Variants in PIK3R3 observed in about 807,000 individuals in gnomAD.
PIK3R3 encodes the protein phosphoinositide-3-kinase regulatory subunit 3.
In PIK3R3, 64 loss-of-function variants were observed where a neutral mutation model predicts 62.9. The observed-to-expected ratio is 1.02, with a 90% confidence interval of 0.83 to 1.25. PIK3R3 has a LOEUF of 1.25. PIK3R3 is among the 50% of genes most tolerant of loss of function. PIK3R3 has a pLI of 0.00. For synonymous variants in PIK3R3, 165 were observed against 189.0 expected (o/e 0.87, Z 1.04); for missense variants, 614 against 561.6 (o/e 1.09, Z -0.94).
intron 1 of PIK3R3, among the ~76,000 whole-genome samples, chr1:46,128,603 G>T (rs1005759208): frequency 7.2e-5 from 11 of 152,170 alleles, no homozygotes; most frequent in African/African-American, 2.7e-4. Context: ...CTAAAGACTA[G>T]AAGGAAACAA....
At chr1:46,119,317 T>C (rs1654461472) in intron 1 of PIK3R3, among the ~76,000 whole-genome samples, 1 of 152,240 alleles carries the variant, frequency 6.6e-6, no homozygotes, top group Admixed American at 6.5e-5. Context: ...AGGTGTTTAC[T>C]ATGTTCTAGG....
At chr1:46,114,169 T>C (rs1251227929) in intron 1 of PIK3R3, among the ~76,000 whole-genome samples, 1 of 152,136 alleles carries the variant, frequency 6.6e-6, no homozygotes, top group Admixed American at 6.5e-5. Context: ...ATGCAAGTGC[T>C]CTCATTGACG....
At chr1:46,163,375 G>A in the PIK3R3 span, among the ~76,000 whole-genome samples, 1 of 152,216 alleles carries the variant, frequency 6.6e-6, no homozygotes, top group East Asian at 1.9e-4. Context: ...GGATGCCCCA[G>A]CTGACCAATG....
intron 1 of PIK3R3, among the ~76,000 whole-genome samples, chr1:46,122,263 T>C (rs1346187335): frequency 1.3e-5 from 2 of 152,152 alleles, no homozygotes; most frequent in African/African-American, 4.8e-5. Context: ...AAAAGTCAAG[T>C]CTTACACACA....
intron 5 of PIK3R3, among the ~76,000 whole-genome samples, chr1:46,062,927 T>C (rs1768816): frequency 0.46 from 69,307 of 151,646 alleles, 15,933 homozygotes; most frequent in East Asian, 0.61. Flanking sequence ...GTTGAGACTT[T>C]AGGGGGGCAC....
the PIK3R3 span, among the ~76,000 whole-genome samples, chr1:46,145,957 T>C: frequency 4.9e-4 from 74 of 152,160 alleles, no homozygotes; most frequent in Non-Finnish European, 1.6e-4. Context: ...GGAATACTTA[T>C]CTGGGTGGAG....
At chr1:46,107,199 A>G (rs1653297692) in intron 1 of PIK3R3, among the ~76,000 whole-genome samples, 1 of 152,088 alleles carries the variant, frequency 6.6e-6, no homozygotes, top group Non-Finnish European at 1.5e-5. Flanking sequence ...AAAATACAAA[A>G]ATTAGCCAGG....
At position 46,077,773 on chromosome 1, in the gene PIK3R3, C is replaced by T. The variant is rs1650205014; in HGVS notation, c.216-160G>A. Among the ~76,000 whole-genome samples the T allele has an allele frequency of 1.3e-5, 2 of 152,164 alleles. 1 individual carries two copies. Among genetic ancestry groups the T allele is most frequent in the African/African-American group, 4.8e-5 (2 of 41,412 alleles). On this transcript the variant is annotated intron_variant, in intron 2 of 9. Transcript: ENST00000262741. The stretch of plus-strand genomic sequence containing the variant: ...CATTTAGAGGTCATTTAGTTCTTCC[C>T]TGCATTAAATATGCTCTTTCTGTTT...
chr1:46,157,805 G>A, the PIK3R3 span, among the ~76,000 whole-genome samples: 1 of 152,106 alleles, frequency 6.6e-6, no homozygotes, highest in Non-Finnish European at 1.5e-5. Flanking sequence ...AAACAAGAAG[G>A]TGCCCAGGGC....
chr1:46,059,362 T>C (rs561573952), intron 6 of PIK3R3, among the ~76,000 whole-genome samples: 1 of 152,322 alleles, frequency 6.6e-6, no homozygotes, highest in African/African-American at 2.4e-5. Flanking sequence ...AATGTGACAA[T>C]ACATGTAAAG....
At chr1:46,147,565 C>T in the PIK3R3 span, among the ~76,000 whole-genome samples, 1 of 152,138 alleles carries the variant, frequency 6.6e-6, no homozygotes, top group African/African-American at 2.4e-5. Flanking sequence ...CTACAGGCGC[C>T]CACCACCACG....
chr1:46,174,593 C>T, the PIK3R3 span, among the ~76,000 whole-genome samples: 7 of 152,134 alleles, frequency 4.6e-5, no homozygotes, highest in African/African-American at 1.4e-4. Context: ...CGGTGCAACA[C>T]GTATTAGCCC....
At chr1:46,079,958 C>T (rs536453753) in intron 2 of PIK3R3, among the ~76,000 whole-genome samples, 100 of 151,174 alleles carry the variant, frequency 6.6e-4, no homozygotes, top group African/African-American at 2.3e-3. Flanking sequence ...CATCTCAAAA[C>T]AAATAAATAA....
intron 1 of PIK3R3, among the ~76,000 whole-genome samples, chr1:46,118,696 T>C (rs570126367): frequency 6.6e-5 from 10 of 151,642 alleles, no homozygotes; most frequent in South Asian, 2.1e-4. Flanking sequence ...CCTGGGATTA[T>C]AGGCGCCCAC....
At chr1:46,124,419 CATTTAT>C (rs1557634809) in intron 1 of PIK3R3, among the ~76,000 whole-genome samples, 1 of 152,192 alleles carries the variant, frequency 6.6e-6, no homozygotes, top group East Asian at 1.9e-4. Flanking sequence ...CACATAGATA[CATTTAT>C]ATTTTTCTAC....
chr1:46,050,254 T>G (rs1355648283), intron 7 of PIK3R3, among the ~76,000 whole-genome samples: 1 of 151,462 alleles, frequency 6.6e-6, no homozygotes, highest in African/African-American at 2.4e-5. Flanking sequence ...TTATAAAAAT[T>G]TAGTTATCAG....
chr1:46,113,251 C>T (rs1653891819), intron 1 of PIK3R3, among the ~76,000 whole-genome samples: 2 of 152,074 alleles, frequency 1.3e-5, no homozygotes, highest in South Asian at 2.1e-4. Context: ...TGATCTGGAC[C>T]GCACCTAGTG....
At position 46,090,231 on chromosome 1, in the gene PIK3R3, T is replaced by C. The variant is rs147528861; in HGVS notation, c.107-9481A>G. 7.2e-5 allele frequency among the ~76,000 whole-genome samples: 11 copies of C among 152,318 alleles called. No homozygotes were observed. In the East Asian group the frequency reaches 2.1e-3, roughly 29 times the overall value. On this transcript the variant is annotated intron_variant, in intron 1 of 9. Coordinates refer to ENST00000262741, the MANE Select transcript of PIK3R3 (RefSeq NM_003629.4). ...TCTGAACCTTAAGTTTCATGCTATG[T>C]TGAATTCAACTTGTACAGGCTAGTG...
In PIK3R3 at chr1:46,132,265, C is replaced by G; in HGVS notation, c.-313G>C. The G allele has an allele frequency of 8.8e-7, 1 of 1,134,118 alleles. No homozygotes were observed. Among genetic ancestry groups the G allele is most frequent in the South Asian group, 2.2e-5 (1 of 44,544 alleles). 70.3% of individuals were successfully genotyped at this position (1,134,118 alleles called of 1,614,324 possible). On this transcript the variant is annotated 5_prime_UTR_variant, in exon 1 of 10. Coordinates refer to ENST00000262741, the MANE Select transcript of PIK3R3 (RefSeq NM_003629.4). The stretch of plus-strand genomic sequence containing the variant: ...CAAAAATCCTTTCTACACAGTCGCT[C>G]TCCGGGGAGAAAAGCTCCCACCGCC...
Sources: allele counts gnomAD v4.1 joint callset (sites outside exome capture counted in the v4.1 genomes callset), GRCh38; gene constraint gnomAD v4.1.1; transcripts MANE v1.5; gene names NCBI Gene and HGNC (gene_info 2026-07-23, HGNC 2026-07-21).